Variants in GALNT13 observed in about 807,000 individuals in gnomAD.
GALNT13 encodes the protein UDP-GalNAc:polypeptide N-acetylgalactosaminyltransferase 13.
GALNT13 carries 28 observed loss-of-function variants against 64.2 expected under a neutral mutation model. The ratio of observed to expected loss-of-function variants is 0.44; its 90% confidence interval spans 0.32 to 0.60. The LOEUF (loss-of-function observed/expected upper bound fraction) is 0.60. Ranked by LOEUF, GALNT13 falls within the 20% of genes least tolerant of loss-of-function variation. GALNT13 has a pLI of 0.05. For synonymous variants in GALNT13, 214 were observed against 224.6 expected, an observed-to-expected ratio of 0.95 and a Z score of 0.42; for missense variants, 577 against 669.8, an observed-to-expected ratio of 0.86 and a Z score of 1.53.
the GALNT13 span, among the ~76,000 whole-genome samples, chr2:153,267,740 A>G: frequency 1.3e-5 from 2 of 152,192 alleles, no homozygotes; most frequent in Non-Finnish European, 1.5e-5. Flanking sequence ...GGCTATTAAC[A>G]TTCAACTCCT....
chr2:153,829,647 A>T, the GALNT13 span, among the ~76,000 whole-genome samples: 2 of 152,166 alleles, frequency 1.3e-5, no homozygotes, highest in African/African-American at 2.4e-5. Context: ...CCATAGTTAG[A>T]TGCCAAGCAG....
chr2:154,002,455 G>T (rs1019660276), intron 3 of GALNT13, among the ~76,000 whole-genome samples: 1 of 151,590 alleles, frequency 6.6e-6, no homozygotes, highest in Non-Finnish European at 1.5e-5. Context: ...AAGATTTCTG[G>T]TGAGGTTTTT....
the GALNT13 span, among the ~76,000 whole-genome samples, chr2:153,220,713 A>G: frequency 2.0e-5 from 3 of 152,108 alleles, no homozygotes; most frequent in Non-Finnish European, 4.4e-5. Flanking sequence ...TTTTTCATAA[A>G]CTCCCACTCC....
chr2:154,159,211 A>G (rs1457683763), intron 4 of GALNT13, among the ~76,000 whole-genome samples: 5 of 151,902 alleles, frequency 3.3e-5, no homozygotes, highest in Non-Finnish European at 7.4e-5. Context: ...CTTGGCTCAC[A>G]GCAACCTCCT....
the GALNT13 span, among the ~76,000 whole-genome samples, chr2:153,168,877 T>C: frequency 2.0e-5 from 3 of 152,212 alleles, no homozygotes; most frequent in African/African-American, 7.2e-5. Flanking sequence ...GTTGGTTTTT[T>C]CCTGTGCTTC....
the GALNT13 span, among the ~76,000 whole-genome samples, chr2:153,171,438 C>T: frequency 1.3e-5 from 2 of 151,982 alleles, no homozygotes; most frequent in Non-Finnish European, 2.9e-5. Flanking sequence ...AATGCAAAAA[C>T]AACTCCACCA....
At chr2:153,373,916 A>G in the GALNT13 span, among the ~76,000 whole-genome samples, 1 of 152,154 alleles carries the variant, frequency 6.6e-6, no homozygotes, top group East Asian at 1.9e-4. Flanking sequence ...GTCAAGTTTC[A>G]TGGACATTGC....
chr2:153,209,347 G>A, the GALNT13 span, among the ~76,000 whole-genome samples: 1 of 151,974 alleles, frequency 6.6e-6, no homozygotes, highest in Admixed American at 6.6e-5. Flanking sequence ...ATTGTTGTTT[G>A]TATGGCTTAA....
At chr2:153,725,660 C>T in the GALNT13 span, among the ~76,000 whole-genome samples, 1 of 151,808 alleles carries the variant, frequency 6.6e-6, no homozygotes. Flanking sequence ...CCATAGTGTC[C>T]AAAAATCTGG....
At chr2:153,620,476 C>T in the GALNT13 span, among the ~76,000 whole-genome samples, 1 of 151,830 alleles carries the variant, frequency 6.6e-6, no homozygotes, top group East Asian at 2.0e-4. Context: ...TCTCCTCTGA[C>T]TGTCTATTTT....
the GALNT13 span, among the ~76,000 whole-genome samples, chr2:153,144,275 T>G: frequency 5.9e-5 from 9 of 151,950 alleles, no homozygotes; most frequent in East Asian, 1.6e-3. Flanking sequence ...AGAATGGAGA[T>G]CTAGTATTGG....
chr2:154,150,535 T>C lies in GALNT13; in HGVS notation c.311+10030T>C, dbSNP rs562339311. Among the ~76,000 whole-genome samples, 113 of 152,312 alleles carry C rather than the reference T, an allele frequency of 7.4e-4. 2 individuals carry two copies. The East Asian group carries it at 0.02, about 27-fold the overall frequency. ...GTTCCTCCTTGTACCTCTGGTAGAA[T>C]TCGGCTGTGAATCCATCTGGTCCTG... On this transcript the variant is annotated intron_variant, in intron 4 of 12. Transcript: ENST00000392825.
At chr2:154,013,902 C>T (rs1467563831) in intron 3 of GALNT13, among the ~76,000 whole-genome samples, 2 of 152,120 alleles carry the variant, frequency 1.3e-5, no homozygotes, top group Non-Finnish European at 2.9e-5. Context: ...CGGCAGAGTC[C>T]GGTCTGCTGG....
chr2:154,104,123 T>C (rs967918709), intron 3 of GALNT13, among the ~76,000 whole-genome samples: 1 of 151,390 alleles, frequency 6.6e-6, no homozygotes, highest in African/African-American at 2.4e-5. Context: ...ATCATGCTCC[T>C]GTATAAGGGC....
the GALNT13 span, among the ~76,000 whole-genome samples, chr2:153,681,575 CTT>C: frequency 6.6e-6 from 1 of 151,774 alleles, no homozygotes; most frequent in East Asian, 1.9e-4. Context: ...AAACTTTTCT[CTT>C]TATGCTATCA....
At chr2:154,318,435 A>G (rs1051918956) in intron 9 of GALNT13, among the ~76,000 whole-genome samples, 3 of 152,218 alleles carry the variant, frequency 2.0e-5, no homozygotes, top group Non-Finnish European at 2.9e-5. Flanking sequence ...TTTAGAAATT[A>G]TTAGATTAGT....
intron 1 of GALNT13, among the ~76,000 whole-genome samples, chr2:153,881,272 T>A (rs1272768554): frequency 6.6e-6 from 1 of 152,170 alleles, no homozygotes; most frequent in Non-Finnish European, 1.5e-5. Context: ...ACAACCAATA[T>A]ATGGTTCATT....
At chr2:153,269,983 T>G in the GALNT13 span, among the ~76,000 whole-genome samples, 1 of 152,122 alleles carries the variant, frequency 6.6e-6, no homozygotes, top group African/African-American at 2.4e-5. Context: ...AAGATGAGAT[T>G]TGGGTAGGGA....
the GALNT13 span, among the ~76,000 whole-genome samples, chr2:153,800,626 A>G: frequency 6.6e-6 from 1 of 152,124 alleles, no homozygotes; most frequent in East Asian, 1.9e-4. Flanking sequence ...ATTATACGTC[A>G]TTTGTTGTCA....
Sources: allele counts gnomAD v4.1 joint callset (sites outside exome capture counted in the v4.1 genomes callset), GRCh38; gene constraint gnomAD v4.1.1; transcripts MANE v1.5; gene names NCBI Gene and HGNC (gene_info 2026-07-23, HGNC 2026-07-21).